Variants in CRY1 observed in about 807,000 individuals in gnomAD.
The protein encoded by CRY1 is cryptochrome circadian regulator 1, also known as cryptochrome-1.
A neutral mutation model predicts 76.0 loss-of-function variants in CRY1; 45 were observed. The observed-to-expected ratio is 0.59, with a 90% CI of 0.47 to 0.76. The LOEUF is 0.76. CRY1 is among the 30% of genes least tolerant of loss of function. The probability of loss-of-function intolerance (pLI) is 0.00; values close to 1 mark genes in which losing one functional copy is unlikely to be tolerated. For missense variants in CRY1, 587 were observed against 716.4 expected (o/e 0.82, Z 2.06); for synonymous variants, 248 against 244.0 (o/e 1.02, Z -0.15).
intron 1 of CRY1, among the ~76,000 whole-genome samples, chr12:107,051,725 T>C (rs1487629312): frequency 6.6e-6 from 1 of 152,172 alleles, no homozygotes; most frequent in Non-Finnish European, 1.5e-5. Flanking sequence ...ATATACCTTC[T>C]AGAGTTGAAT....
intron 2 of CRY1, among the ~76,000 whole-genome samples, chr12:107,006,986 T>C (rs1180556310): frequency 6.6e-6 from 1 of 152,008 alleles, no homozygotes; most frequent in South Asian, 2.1e-4. Context: ...AGGAAAAAAA[T>C]AGTATCTCAT....
At chr12:107,014,230 C>T (rs779432706) in intron 2 of CRY1, among the ~76,000 whole-genome samples, 1 of 152,152 alleles carries the variant, frequency 6.6e-6, no homozygotes, top group Non-Finnish European at 1.5e-5. Flanking sequence ...TAGGTATGGG[C>T]TAACCAGGTT....
At chr12:107,022,791 G>A (rs1952572986) in intron 1 of CRY1, among the ~76,000 whole-genome samples, 1 of 150,610 alleles carries the variant, frequency 6.6e-6, no homozygotes. Context: ...ATAAGTAGAT[G>A]CCAAATTATG....
chr12:107,091,480 T>A (rs1224483651), intron 1 of CRY1, among the ~76,000 whole-genome samples: 2 of 152,042 alleles, frequency 1.3e-5, no homozygotes, highest in Non-Finnish European at 2.9e-5. Context: ...CCTGGATGAA[T>A]GCCAACAGCT....
intron 2 of CRY1, among the ~76,000 whole-genome samples, chr12:107,018,170 T>C (rs1164779643): frequency 1.3e-5 from 2 of 152,346 alleles, no homozygotes; most frequent in Non-Finnish European, 2.9e-5. Context: ...ATAATATAAA[T>C]TTTACTGTTG....
intron 2 of CRY1, among the ~76,000 whole-genome samples, 183 bp from the exon 3 acceptor site, chr12:107,005,431 C>G (rs1202267740): frequency 6.6e-6 from 1 of 152,024 alleles, no homozygotes; most frequent in African/African-American, 2.4e-5. Flanking sequence ...AATGCATAAC[C>G]CATTAGATTC....
chr12:106,997,708 A>C lies in CRY1; in HGVS notation c.1290-18T>G, dbSNP rs1342005137. ...AATAACGCCTTTGGGAGAAAAAAGA[A>C]AGATTACTAATAAAATGCACTCTAA... On this transcript the variant is annotated intron_variant, in intron 8 of 12. Transcript: ENST00000008527. The C allele has an allele frequency of 3.1e-6, 5 of 1,612,592 alleles. No homozygotes were observed. Among genetic ancestry groups the C allele is most frequent in the Non-Finnish European group, 4.2e-6 (5 of 1,179,340 alleles).
Position 107,092,948 on chromosome 12 carries a change from G to A in CRY1, c.14C>T (p.Ala5Val). 6.3e-7 allele frequency: 1 copy of A among 1,577,640 alleles called. No homozygotes were observed. The highest frequency in any genetic ancestry group is 8.6e-7 in the Non-Finnish European group (1 of 1,163,022). Residue 5 changes from alanine (A) to valine (V), a missense_variant, in exon 1 of 13, where the codon GCC becomes GTC. Transcript: ENST00000008527. MGVNAVHWFRKGLRL... is the reference protein window; with the variant it reads MGVNVVHWFRKGLRL... ...GAGCCCCTTTCGGAACCAGTGCACG[G>A]CGTTCACCCCCATGCCGGGGGGCGC...
At chr12:107,009,563 C>A (rs11113161) in intron 2 of CRY1, among the ~76,000 whole-genome samples, 44,552 of 90,792 alleles carry the variant, frequency 0.49, 9,637 homozygotes, top group East Asian at 0.75. Context: ...AACAAAAAAA[C>A]ATATATATAT....
intron 1 of CRY1, among the ~76,000 whole-genome samples, chr12:107,031,270 A>G (rs1952670914): frequency 6.6e-6 from 1 of 152,192 alleles, no homozygotes; most frequent in Admixed American, 6.5e-5. Context: ...GTTGAAGAGG[A>G]CAGGAGATAA....
chr12:107,075,670 G>C (rs12369228), intron 1 of CRY1, among the ~76,000 whole-genome samples: 8,368 of 152,226 alleles, frequency 0.055, 271 homozygotes, highest in Admixed American at 0.083. Flanking sequence ...TGAGCCACCA[G>C]ACCTAACTAT....
At chr12:107,077,172 C>A (rs1295732756) in intron 1 of CRY1, among the ~76,000 whole-genome samples, 4 of 152,088 alleles carry the variant, frequency 2.6e-5, no homozygotes, top group Non-Finnish European at 5.9e-5. Context: ...AACACACACA[C>A]ACACACCTCT....
chr12:107,067,241 T>C (rs926385875), intron 1 of CRY1, among the ~76,000 whole-genome samples: 9 of 152,274 alleles, frequency 5.9e-5, no homozygotes, highest in African/African-American at 1.4e-4. Flanking sequence ...AGAGACCCTA[T>C]GTGTGGCTCA....
intron 1 of CRY1, among the ~76,000 whole-genome samples, chr12:107,072,156 C>A (rs552241448): frequency 6.9e-6 from 1 of 144,986 alleles, no homozygotes; most frequent in South Asian, 2.3e-4. Flanking sequence ...TGTGTTCATT[C>A]TTTTGTCTTT....
chr12:107,036,585 GT>G (rs61321189), intron 1 of CRY1, among the ~76,000 whole-genome samples: 16,973 of 138,794 alleles, frequency 0.12, 1,771 homozygotes, highest in African/African-American at 0.28. Flanking sequence ...AAAGTTGGTG[GT>G]TTTTTTTTTT....
intron 1 of CRY1, among the ~76,000 whole-genome samples, chr12:107,052,361 T>C (rs1056594149): frequency 2.6e-5 from 4 of 152,168 alleles, no homozygotes; most frequent in African/African-American, 9.7e-5. Flanking sequence ...TAATCATTTA[T>C]TTATTCAACA....
At chr12:107,027,741 T>C (rs553665179) in intron 1 of CRY1, among the ~76,000 whole-genome samples, 1 of 152,164 alleles carries the variant, frequency 6.6e-6, no homozygotes, top group South Asian at 2.1e-4. Flanking sequence ...TTTCCTAAAG[T>C]AGGTCATTGC....
At chr12:107,030,751 C>T (rs1825501543) in intron 1 of CRY1, among the ~76,000 whole-genome samples, 1 of 151,616 alleles carries the variant, frequency 6.6e-6, no homozygotes, top group Admixed American at 6.6e-5. Flanking sequence ...ATTATGGTAG[C>T]CCAGAAGAAA....
chr12:107,080,222 G>A (rs768045550), intron 1 of CRY1, among the ~76,000 whole-genome samples: 1 of 152,030 alleles, frequency 6.6e-6, no homozygotes, highest in Non-Finnish European at 1.5e-5. Flanking sequence ...GAAAACACAG[G>A]AAAACTCAGT....
Sources: allele counts gnomAD v4.1 joint callset (sites outside exome capture counted in the v4.1 genomes callset), GRCh38; gene constraint gnomAD v4.1.1; transcripts MANE v1.5; gene names NCBI Gene and HGNC (gene_info 2026-07-23, HGNC 2026-07-21).